Variants in SRGAP3 observed in about 807,000 individuals in gnomAD.
SRGAP3 encodes the protein SLIT-ROBO Rho GTPase activating protein 3, also known as SLIT-ROBO Rho GTPase-activating protein 3.
A neutral mutation model predicts 121.1 loss-of-function variants in SRGAP3; 39 were observed. The observed-to-expected ratio is 0.32, with a 90% confidence interval of 0.25 to 0.42. The LOEUF (loss-of-function observed/expected upper bound fraction) is 0.42, where lower values mean the gene tolerates loss of function less well. Ranked by LOEUF, SRGAP3 falls within the 10% of genes least tolerant of loss-of-function variation. SRGAP3 has a pLI of 1.00. For missense variants in SRGAP3, 1,213 were observed against 1,470.6 expected (o/e 0.82, Z 2.86); for synonymous variants, 601 against 570.0 (o/e 1.05, Z -0.77).
At chr3:8,993,080 G>A (rs750135922) in intron 19 of SRGAP3, 25 bp from the exon 20 acceptor site, 2 of 1,613,146 alleles carry the variant, frequency 1.2e-6, no homozygotes, top group Admixed American at 3.3e-5. Flanking sequence ...GACATGAATT[G>A]GAGGCACCTT....
At chr3:9,104,644 A>G in intron 3 of SRGAP3, 36 bp downstream of exon 3, 1 of 1,613,300 alleles carries the variant, frequency 6.2e-7, no homozygotes, top group Non-Finnish European at 8.5e-7. Context: ...GCTTGGGGCA[A>G]AGACCTGGGA....
intron 1 of SRGAP3, among the ~76,000 whole-genome samples, chr3:9,357,779 T>A (rs1441038214): frequency 1.3e-5 from 2 of 152,172 alleles, no homozygotes; most frequent in African/African-American, 4.8e-5. Context: ...TCTCCCAATA[T>A]AAGTCTAGGA....
intron 3 of SRGAP3, among the ~76,000 whole-genome samples, chr3:9,099,526 T>C (rs1948125178): frequency 6.6e-6 from 1 of 152,194 alleles, no homozygotes; most frequent in Non-Finnish European, 1.5e-5. Context: ...TCCCACCTGG[T>C]GCAGCACATG....
intron 3 of SRGAP3, among the ~76,000 whole-genome samples, chr3:9,295,628 G>A (rs1360666228): frequency 3.0e-5 from 4 of 133,996 alleles, no homozygotes; most frequent in Non-Finnish European, 5.1e-5. Context: ...TTTTTCTATC[G>A]TGGTAAAATA....
rs767888822 is a variant in SRGAP3 at position 9,056,248 on chromosome 3, C to G, written c.1110G>C (p.Lys370Asn). The G allele has an allele frequency of 6.2e-7, 1 of 1,614,100 alleles. No individual in the cohort carries two copies. Among genetic ancestry groups the G allele is most frequent in the South Asian group, 1.1e-5 (1 of 91,082 alleles). Residue 370 changes from lysine (K) to asparagine (N), a missense_variant, in exon 8 of 22, where the codon AAG (lysine) becomes AAC (asparagine). Physicochemically the swap from Lys to Asn is moderately conservative, Grantham distance 94. Around this residue, in one of 2 missense-constraint regions of SRGAP3, gnomAD observed 793 missense variants for 1,032.9 expected, o/e 0.77. Coordinates refer to ENST00000383836, the MANE Select transcript of SRGAP3 (RefSeq NM_014850.4). ...GCTCACTCACCTCCTCATTCTCTAT[C>G]TTGAGGGTGGCCAGTCTGGACTGCA... ...HQLQSRLATL[K>N]IENEEVRKTL...
chr3:9,071,777 A>T (rs1560074704), intron 4 of SRGAP3, among the ~76,000 whole-genome samples: 1 of 152,144 alleles, frequency 6.6e-6, no homozygotes, highest in African/African-American at 2.4e-5. Context: ...ACTGCCTCTG[A>T]TCTAGTGAGT....
intron 3 of SRGAP3, among the ~76,000 whole-genome samples, chr3:9,278,741 G>T (rs554117099): frequency 6.6e-6 from 1 of 152,184 alleles, no homozygotes; most frequent in Non-Finnish European, 1.5e-5. Flanking sequence ...TGGTGTCCTC[G>T]TGAATGGGGA....
In SRGAP3 at chr3:9,048,506, C is replaced by T. The variant is rs73013380; in HGVS notation, c.1324-1031G>A. 9.5e-3 allele frequency among the ~76,000 whole-genome samples: 1,449 copies of T among 152,218 alleles called. 16 individuals carry two copies. The highest frequency in any genetic ancestry group is 0.016 in the Non-Finnish European group (1,087 of 68,002). On this transcript the variant is annotated intron_variant, in intron 9 of 21. Transcript: ENST00000383836. ...GTAAATAAAATACCACTCAGTCAGG[C>T]GGTGGTGAATGCTACGGATAAAAAG...
intron 2 of SRGAP3, among the ~76,000 whole-genome samples, chr3:9,111,524 T>G (rs1207257516): frequency 6.6e-6 from 1 of 151,666 alleles, no homozygotes; most frequent in East Asian, 1.9e-4. Flanking sequence ...GGGTGAAGAG[T>G]GAGGCTGGAG....
upstream of SRGAP3, among the ~76,000 whole-genome samples, chr3:9,251,521 C>A (rs180970387): frequency 1.3e-5 from 2 of 152,188 alleles, no homozygotes; most frequent in Non-Finnish European, 2.9e-5. Flanking sequence ...CCTTGGAGTA[C>A]GACAGACTGG....
intron 3 of SRGAP3, among the ~76,000 whole-genome samples, chr3:9,281,533 G>GTACT (rs1954678559): frequency 6.7e-6 from 1 of 149,308 alleles, no homozygotes; most frequent in African/African-American, 2.5e-5. Flanking sequence ...GGACCTAGAT[G>GTACT]TACTTACTTT....
At chr3:9,323,589 C>A (rs1186321366) in intron 3 of SRGAP3, among the ~76,000 whole-genome samples, 1 of 151,734 alleles carries the variant, frequency 6.6e-6, no homozygotes, top group African/African-American at 2.4e-5. Flanking sequence ...GAGCTGGTGT[C>A]TTGATCTCTG....
At chr3:9,349,484 T>C (rs2029943403) in intron 1 of SRGAP3, among the ~76,000 whole-genome samples, 1 of 152,206 alleles carries the variant, frequency 6.6e-6, no homozygotes, top group African/African-American at 2.4e-5. Context: ...TTTTCACAAG[T>C]GCTTTGTTTA....
chr3:9,001,416 T>C (rs1942763173), intron 18 of SRGAP3, among the ~76,000 whole-genome samples: 1 of 152,100 alleles, frequency 6.6e-6, no homozygotes, highest in Non-Finnish European at 1.5e-5. Context: ...CTCAAAAATA[T>C]AGTGAAAACA....
intron 1 of SRGAP3, among the ~76,000 whole-genome samples, chr3:9,237,905 A>G (rs1350845457): frequency 6.6e-6 from 1 of 152,214 alleles, no homozygotes; most frequent in Non-Finnish European, 1.5e-5. Flanking sequence ...GGGAGAGTAG[A>G]CTATGGGACA....
chr3:9,191,483 TA>T (rs1951751650), intron 1 of SRGAP3, among the ~76,000 whole-genome samples: 2 of 152,156 alleles, frequency 1.3e-5, no homozygotes, highest in South Asian at 4.1e-4. Flanking sequence ...TGACAGTGCC[TA>T]TGTACATGGG....
At chr3:9,173,593 T>C (rs1050236852) in intron 1 of SRGAP3, among the ~76,000 whole-genome samples, 3 of 152,110 alleles carry the variant, frequency 2.0e-5, no homozygotes, top group Non-Finnish European at 4.4e-5. Context: ...GAGAAGACAC[T>C]GAAGCAGAAA....
chr3:9,235,377 A>G (rs1327181530), intron 1 of SRGAP3: 1 of 152,046 alleles, frequency 6.6e-6, no homozygotes, highest in Non-Finnish European at 1.5e-5. Context: ...TATAGTGGTT[A>G]TTTCAGGTAG....
At chr3:9,337,781 A>T (rs1955716224) in intron 1 of SRGAP3, 1 of 152,232 alleles carries the variant, frequency 6.6e-6, no homozygotes. Flanking sequence ...GTTTATGAAG[A>T]CCTAGGCCAA....
Sources: allele counts gnomAD v4.1 joint callset (sites outside exome capture counted in the v4.1 genomes callset), GRCh38; gene constraint gnomAD v4.1.1; regional missense constraint gnomAD v4.1.1; transcripts MANE v1.5; gene names NCBI Gene and HGNC (gene_info 2026-07-23, HGNC 2026-07-21).